The following SH3BP5L variants were observed in gnomAD, a reference collection of about 807,000 sequenced individuals.
SH3BP5L encodes the protein SH3 binding domain protein 5 like.
In SH3BP5L, 16 loss-of-function variants were observed where a neutral mutation model predicts 40.9. That is an observed-to-expected ratio of 0.39 (90% CI 0.27 to 0.59). The LOEUF (loss-of-function observed/expected upper bound fraction) is 0.59. SH3BP5L is among the 20% of genes least tolerant of loss of function. The pLI is 0.53. For synonymous variants in SH3BP5L, 229 were observed against 226.7 expected, an observed-to-expected ratio of 1.01 and a Z score of -0.09; for missense variants, 471 against 544.6, an observed-to-expected ratio of 0.86 and a Z score of 1.35.
chr1:248,813,336 T>C (rs1238855238), intron 5 of SH3BP5L, 174 bp from the exon 6 acceptor site: 2 of 536,454 alleles, frequency 3.7e-6, no homozygotes, highest in Non-Finnish European at 3.0e-6. Context: ...TCTATGAGCC[T>C]CAAGACAGCT....
intron 2 of SH3BP5L, among the ~76,000 whole-genome samples, chr1:248,818,076 G>A (rs1195491216): frequency 1.3e-5 from 2 of 152,168 alleles, no homozygotes; most frequent in East Asian, 3.9e-4. Context: ...GGACAGGCAT[G>A]GTGGCTCACA....
In SH3BP5L at chr1:248,825,181, C is replaced by A; in HGVS notation, c.-246G>T. On this transcript the variant is annotated 5_prime_UTR_variant, in exon 2 of 7. Coordinates refer to ENST00000366472, the MANE Select transcript of SH3BP5L (RefSeq NM_030645.3). ...TTCTTCCCTTCCCGCCACAGGGAGT[C>A]CACTGTGACAAACCCGGAGCAACAG... 1.6e-6 allele frequency: 2 copies of A among 1,268,098 alleles called. No individual in the cohort carries two copies. The highest frequency in any genetic ancestry group is 2.3e-5 in the South Asian group (1 of 44,098). The allele number at this position is 1,268,098 out of a possible 1,614,324, so 78.6% of individuals were successfully genotyped here.
chr1:248,825,433 C>T, intron 1 of SH3BP5L, 67 bp from the exon 2 acceptor site: 1 of 980,466 alleles, frequency 1.0e-6, no homozygotes, highest in South Asian at 4.6e-5. Flanking sequence ...CAGCCCCTTC[C>T]AACTCTACAG....
intron 2 of SH3BP5L, among the ~76,000 whole-genome samples, chr1:248,819,587 C>T (rs1265084629): frequency 6.6e-6 from 1 of 151,508 alleles, no homozygotes; most frequent in African/African-American, 2.4e-5. Flanking sequence ...CCTGTAGTCC[C>T]AGCTACTGGG....
chr1:248,816,970 G>C, intron 2 of SH3BP5L, 86 bp from the exon 3 acceptor site: 1 of 1,606,544 alleles, frequency 6.2e-7, no homozygotes, highest in Non-Finnish European at 8.5e-7. Flanking sequence ...CACAGAGAGA[G>C]AGAGCCCCAC....
In SH3BP5L at chr1:248,816,648, G is replaced by A. The variant is rs371264957; in HGVS notation, c.261C>T (p.Thr87=). The A allele has an allele frequency of 1.1e-5, 18 of 1,613,998 alleles. No individual in the cohort carries two copies. Among genetic ancestry groups the A allele is most frequent in the Non-Finnish European group, 1.5e-5 (18 of 1,180,044 alleles). Residue 87 remains threonine, a synonymous_variant, in exon 4 of 7, where the codon ACC becomes ACT. Transcript: ENST00000366472. ...CCGACTCCTGTAGGATCCTCCGATA[G>A]GTGGTCCTGGCCTCCTGGAAAGGAA... ...VELQLDEART[T]YRRILQESAR...
At chr1:248,818,733 C>T (rs1181745859) in intron 2 of SH3BP5L, among the ~76,000 whole-genome samples, 13 of 152,194 alleles carry the variant, frequency 8.5e-5, no homozygotes, top group Admixed American at 5.9e-4. Flanking sequence ...CTCCCTTGCC[C>T]GAGAAAACAC....
chr1:248,817,498 G>T lies in SH3BP5L; in HGVS notation c.184-614C>A, dbSNP rs187759357. On this transcript the variant is annotated intron_variant, in intron 2 of 6. Transcript: ENST00000366472. ...AAGGTCACCTAATTGGGCAGCAGAAGGTCAGGGTAGGATGCCTGGAACACT... is the reference window on the plus strand; with the variant it reads ...AAGGTCACCTAATTGGGCAGCAGAATGTCAGGGTAGGATGCCTGGAACACT... Among the ~76,000 whole-genome samples, 14 of 152,320 alleles carry T rather than the reference G, an allele frequency of 9.2e-5. No homozygotes were observed. In the East Asian group the frequency reaches 2.7e-3, roughly 29 times the overall value.
chr1:248,825,824 C>G lies in SH3BP5L; in HGVS notation c.-432+11G>C. ...CCCAGCCATGCGCAAAAGCCCCCCGCACAGCCTTACCTCAGTTTACCTTCC... is the reference window on the plus strand; with the variant it reads ...CCCAGCCATGCGCAAAAGCCCCCCGGACAGCCTTACCTCAGTTTACCTTCC... On this transcript the variant is annotated intron_variant, in intron 1 of 6. Transcript: ENST00000366472. The G allele has an allele frequency of 2.1e-6, 2 of 966,114 alleles. No homozygotes were observed. Among genetic ancestry groups the G allele is most frequent in the Non-Finnish European group, 2.5e-6 (2 of 812,544 alleles). The allele number at this position is 966,114 out of a possible 1,614,324, so 59.8% of individuals were successfully genotyped here. A position where few individuals can be genotyped will look rare whatever the true frequency, so the allele number is the denominator to read the frequency against.
chr1:248,822,254 C>T (rs1462813674), intron 2 of SH3BP5L, among the ~76,000 whole-genome samples: 1 of 152,202 alleles, frequency 6.6e-6, no homozygotes, highest in East Asian at 1.9e-4. Flanking sequence ...CCCCAATCTC[C>T]TCCTCATCTT....
Position 248,812,250 on chromosome 1 carries a change from C to T in SH3BP5L, c.832G>A (p.Gly278Ser), listed in dbSNP as rs770363760. ...GGGCCCAGGGGGTGGGGAGGCAGAC[C>T]CCCGCGGCGCCGTGCGTGAATCTGC... is the stretch of plus-strand genomic sequence containing the variant. ...SEQIHARRRGGLPPHPLGPRR... is the reference protein window; with the variant it reads ...SEQIHARRRGSLPPHPLGPRR... Residue 278 changes from glycine to serine, a missense_variant, in exon 7 of 7, where the codon GGT becomes AGT. This residue lies in a region of SH3BP5L where 196 missense variants were observed against 174.6 expected (regional missense o/e 1.12). Transcript: ENST00000366472. The surrounding 1 kb of genome is among the most constrained non-coding windows in gnomAD (Gnocchi z 6.1). 6.2e-7 allele frequency: 1 copy of T among 1,610,936 alleles called. No homozygotes were observed. The highest frequency in any genetic ancestry group is 1.1e-5 in the South Asian group (1 of 90,978).
chr1:248,820,294 A>C (rs1664223951), intron 2 of SH3BP5L: 1 of 152,310 alleles, frequency 6.6e-6, no homozygotes, highest in Admixed American at 6.5e-5. Context: ...AGACACATGG[A>C]ACTCCAAGTT....
At chr1:248,823,847 G>C (rs536967521) in intron 2 of SH3BP5L, among the ~76,000 whole-genome samples, 8 of 152,352 alleles carry the variant, frequency 5.3e-5, no homozygotes, top group Admixed American at 2.0e-4. Flanking sequence ...AGATGTGACC[G>C]GAACAAATGG....
Position 248,813,042 on chromosome 1 carries a change from C to G in SH3BP5L, c.658G>C (p.Gly220Arg). The change falls in exon 6 of 7, where the codon GGC (glycine) becomes CGC (arginine). Residue 220 changes from glycine (G) to arginine (R), a missense_variant. By Grantham distance (125) the Gly-to-Arg change is moderately radical. Transcript: ENST00000366472. Reference sequence around the variant, plus strand: ...AGCTCAAAGTAGGGGCGGCTCTTGCCGATGGCCCTCCGGAGGGTCTTCTGC... The same window carrying G: ...AGCTCAAAGTAGGGGCGGCTCTTGCGGATGGCCCTCCGGAGGGTCTTCTGC... ...ALQKTLRRAI[G>R]KSRPYFELKA... 6.2e-7 allele frequency: 1 copy of G among 1,609,788 alleles called. No homozygotes were observed. The highest frequency in any genetic ancestry group is 8.5e-7 in the Non-Finnish European group (1 of 1,177,146).
chr1:248,825,360 T>C lies in SH3BP5L; in HGVS notation c.-425A>G. 1 of 997,966 alleles carries C rather than the reference T, an allele frequency of 1.0e-6. No individual in the cohort carries two copies. The highest frequency in any genetic ancestry group is 1.2e-6 in the Non-Finnish European group (1 of 837,970). 61.8% of individuals were successfully genotyped at this position (997,966 alleles called of 1,614,324 possible). ...GCTGAGGCTGTAGGATGAGCGTCTC[T>C]GGGGAGCTGCAGAGAAACAAAGGCC... On this transcript the variant is annotated 5_prime_UTR_variant, in exon 2 of 7. Coordinates refer to ENST00000366472, the MANE Select transcript of SH3BP5L (RefSeq NM_030645.3).
rs1663901713 is a variant in SH3BP5L, at chr1:248,811,174, G to A, written c.*726C>T. ...GGAAACACCATACCCACAGGAGCCAGTCTGGAGTTGGTGATGCTCCCTATG... is the reference window on the plus strand; with the variant it reads ...GGAAACACCATACCCACAGGAGCCAATCTGGAGTTGGTGATGCTCCCTATG... On this transcript the variant is annotated 3_prime_UTR_variant, in exon 7 of 7. Coordinates refer to ENST00000366472, the MANE Select transcript of SH3BP5L (RefSeq NM_030645.3). 6.6e-6 allele frequency: 1 copy of A among 152,540 alleles called. No homozygotes were observed. The highest frequency in any genetic ancestry group is 2.4e-5 in the African/African-American group (1 of 41,468). The allele number at this position is 152,540 out of a possible 1,614,324, so 9.4% of individuals were successfully genotyped here. A position where few individuals can be genotyped will look rare whatever the true frequency, so the allele number is the denominator to read the frequency against.
chr1:248,811,668 G>A lies in SH3BP5L; in HGVS notation c.*232C>T, dbSNP rs144365369. ...GGCAGAGGCAGACAGAGCGCCGAGG[G>A]CGAGCCTTCTGAATGGGTAAGGCAA... On this transcript the variant is annotated 3_prime_UTR_variant, in exon 7 of 7. Coordinates refer to ENST00000366472, the MANE Select transcript of SH3BP5L (RefSeq NM_030645.3). 1 of 505,468 alleles carries A rather than the reference G, an allele frequency of 2.0e-6. No homozygotes were observed. Among genetic ancestry groups the A allele is most frequent in the Non-Finnish European group, 3.5e-6 (1 of 286,836 alleles). 31.3% of individuals were successfully genotyped at this position (505,468 alleles called of 1,614,324 possible).
rs575406915 is a variant in SH3BP5L at position 248,811,103 on chromosome 1, T to A, written c.*797A>T. Reference sequence around the variant, plus strand: ...GACTTCACCCCCAACATGGGCCCTCTTAGGGACCCACTAGCACCTTGGCAA... The same window carrying A: ...GACTTCACCCCCAACATGGGCCCTCATAGGGACCCACTAGCACCTTGGCAA... On this transcript the variant is annotated 3_prime_UTR_variant, in exon 7 of 7. Transcript: ENST00000366472. 2.0e-5 allele frequency: 3 copies of A among 152,788 alleles called. 1 individual carries two copies. The East Asian group carries it at 5.8e-4, about 30-fold the overall frequency. 9.5% of individuals were successfully genotyped at this position (152,788 alleles called of 1,614,324 possible). A position where few individuals can be genotyped will look rare whatever the true frequency, so the allele number is the denominator to read the frequency against.
chr1:248,813,487 G>C (rs1196015196), intron 5 of SH3BP5L: 1 of 300,358 alleles, frequency 3.3e-6, no homozygotes, highest in Admixed American at 5.1e-5. Context: ...GCCAGGAAAG[G>C]GATGCTGGTG....
Sources: allele counts gnomAD v4.1 joint callset (sites outside exome capture counted in the v4.1 genomes callset), GRCh38; gene constraint gnomAD v4.1.1; regional missense constraint gnomAD v4.1.1; non-coding constraint Gnocchi (gnomAD v3.1); transcripts MANE v1.5; gene names NCBI Gene and HGNC (gene_info 2026-07-23, HGNC 2026-07-21).